PCLO: variants seen among roughly 807,000 people sequenced by gnomAD.
PCLO encodes the protein piccolo presynaptic cytomatrix protein.
In PCLO, 82 loss-of-function variants were observed where a neutral mutation model predicts 427.5. The observed-to-expected ratio is 0.19, with a 90% CI of 0.16 to 0.23. PCLO has a LOEUF of 0.23. PCLO is among the 10% of genes least tolerant of loss of function. PCLO has a pLI of 1.00. For synonymous variants in PCLO, 2,357 were observed against 2,155.4 expected (o/e 1.09, Z -2.59); for missense variants, 6,239 against 6,115.9 (o/e 1.02, Z -0.67).
At chr7:82,929,843 G>T (rs940981751) in intron 6 of PCLO, among the ~76,000 whole-genome samples, 3 of 151,998 alleles carry the variant, frequency 2.0e-5, no homozygotes, top group Non-Finnish European at 2.9e-5. Flanking sequence ...AGCTATTTAG[G>T]ATTAGTGAAT....
intron 3 of PCLO, among the ~76,000 whole-genome samples, chr7:83,040,287 T>C (rs1788940509): frequency 6.6e-6 from 1 of 152,258 alleles, no homozygotes. Flanking sequence ...CTGTCCACAA[T>C]GTGAAACCTC....
chr7:82,875,105 T>C (rs1793338129), intron 10 of PCLO, among the ~76,000 whole-genome samples: 1 of 152,172 alleles, frequency 6.6e-6, no homozygotes, highest in Non-Finnish European at 1.5e-5. Context: ...GTATTTGTGG[T>C]AGGAATGTTT....
At chr7:82,904,382 CCT>C (rs1794131527) in intron 8 of PCLO, among the ~76,000 whole-genome samples, 2 of 151,710 alleles carry the variant, frequency 1.3e-5, no homozygotes, top group South Asian at 2.1e-4. Flanking sequence ...TTCTTCTTCC[CCT>C]CTTTTCTTTT....
At chr7:83,025,710 T>C (rs1049577042) in intron 3 of PCLO, among the ~76,000 whole-genome samples, 5 of 152,028 alleles carry the variant, frequency 3.3e-5, no homozygotes, top group African/African-American at 9.6e-5. Context: ...GAGAGAAAGG[T>C]TGGGTTACCC....
At chr7:82,784,580 A>G (rs1790943230) in intron 22 of PCLO, among the ~76,000 whole-genome samples, 1 of 151,948 alleles carries the variant, frequency 6.6e-6, no homozygotes, top group Admixed American at 6.6e-5. Flanking sequence ...TTTAGTTTAT[A>G]TTTTTCCCTT....
chr7:82,962,162 C>T (rs60667728), intron 4 of PCLO, among the ~76,000 whole-genome samples: 3,402 of 152,210 alleles, frequency 0.022, 135 homozygotes, highest in African/African-American at 0.078. Context: ...AAATATAGAA[C>T]GTGCTTTGAA....
At chr7:83,034,743 A>C (rs2116166113) in intron 3 of PCLO, among the ~76,000 whole-genome samples, 1 of 152,274 alleles carries the variant, frequency 6.6e-6, no homozygotes. Context: ...ATCTGGCAGT[A>C]TCTACACTTT....
chr7:83,115,755 T>A (rs1409176822), intron 3 of PCLO, among the ~76,000 whole-genome samples: 4 of 152,102 alleles, frequency 2.6e-5, no homozygotes, highest in African/African-American at 9.6e-5. Context: ...CAAATACTAC[T>A]GCTTCTTATA....
chr7:82,957,416 C>CA (rs201922517), intron 4 of PCLO, among the ~76,000 whole-genome samples: 45 of 150,010 alleles, frequency 3.0e-4, no homozygotes, highest in East Asian at 7.8e-4. Flanking sequence ...ATTTACTAAA[C>CA]AAAAAAAAAG....
intron 8 of PCLO, 89 bp downstream of exon 8, chr7:82,908,788 C>T: frequency 9.0e-7 from 1 of 1,112,118 alleles, no homozygotes; most frequent in Non-Finnish European, 1.3e-6. Context: ...ACAAACATCT[C>T]ATTCCTTTTA....
At chr7:82,843,614 G>A (rs557477194) in intron 13 of PCLO, among the ~76,000 whole-genome samples, 126 of 151,790 alleles carry the variant, frequency 8.3e-4, no homozygotes, top group Admixed American at 1.2e-3. Context: ...AAAAAAATAA[G>A]TGAGGTAATC....
In PCLO at chr7:82,962,604, T is replaced by C. The variant is rs574663800; in HGVS notation, c.4017+3167A>G. On this transcript the variant is annotated intron_variant, in intron 4 of 24. Coordinates refer to ENST00000333891, the MANE Select transcript of PCLO (RefSeq NM_033026.6). ...AATAAAATAGTTTAAGAATTACTAT[T>C]GTGAACCCTCAAGGAAAAATGTACC... 2.0e-3 allele frequency among the ~76,000 whole-genome samples: 308 copies of C among 152,152 alleles called. 1 individual carries two copies. The highest frequency in any genetic ancestry group is 3.7e-3 in the Non-Finnish European group (250 of 67,906).
chr7:83,094,291 C>A (rs1301297028), intron 3 of PCLO, among the ~76,000 whole-genome samples: 1 of 149,398 alleles, frequency 6.7e-6, no homozygotes, highest in Admixed American at 6.7e-5. Flanking sequence ...TCACTGCAAC[C>A]TTCACCTCCT....
rs770208151 is a variant in PCLO at position 82,915,655 on chromosome 7, C to T, written c.12331G>A (p.Glu4111Lys). 17 of 1,613,246 alleles carry T rather than the reference C, an allele frequency of 1.1e-5. No homozygotes were observed. The highest frequency in any genetic ancestry group is 1.3e-5 in the African/African-American group (1 of 74,882). ...TAAGGATCCTCCATTGGGTCTTCCT[C>T]CGCCTTCACATAACTATGCAATCTA... ...SSRLHSYVKA[E>K]EDPMEDPYEL... Residue 4111 changes from glutamate (E) to lysine (K), a missense_variant, in exon 7 of 25, where the codon GAG becomes AAG. Coordinates refer to ENST00000333891, the MANE Select transcript of PCLO (RefSeq NM_033026.6).
chr7:83,126,691 CATAAT>C (rs1791447801), intron 3 of PCLO, among the ~76,000 whole-genome samples: 2 of 151,814 alleles, frequency 1.3e-5, no homozygotes, highest in Non-Finnish European at 2.9e-5. Flanking sequence ...TTATCTAAAA[CATAAT>C]ATACAGACAC....
chr7:82,794,487 T>TTTTTTTTTTTTTTTTTTTA (rs1791183585), intron 22 of PCLO, among the ~76,000 whole-genome samples: 1 of 120,528 alleles, frequency 8.3e-6, no homozygotes, highest in Non-Finnish European at 1.6e-5. Context: ...TTTTTTTTTT[T>TTTTTTTTTTTTTTTTTTTA]TTGAGACACA....
chr7:82,879,909 G>C, intron 9 of PCLO: 1 of 423,892 alleles, frequency 2.4e-6, no homozygotes, highest in South Asian at 1.7e-5. Context: ...GTGAAAACAT[G>C]ATCATAATTT....
intron 3 of PCLO, among the ~76,000 whole-genome samples, chr7:83,092,641 C>T (rs928358403): frequency 6.6e-6 from 1 of 151,978 alleles, no homozygotes; most frequent in Admixed American, 6.6e-5. Flanking sequence ...AGGACAAATC[C>T]TAAATGTAAT....
At chr7:82,831,124 T>G (rs2115710727) in intron 16 of PCLO, among the ~76,000 whole-genome samples, 1 of 152,234 alleles carries the variant, frequency 6.6e-6, no homozygotes, top group Non-Finnish European at 1.5e-5. Context: ...TTTCATGTGT[T>G]AACTCATGTA....
Sources: allele counts gnomAD v4.1 joint callset (sites outside exome capture counted in the v4.1 genomes callset), GRCh38; gene constraint gnomAD v4.1.1; transcripts MANE v1.5; gene names NCBI Gene and HGNC (gene_info 2026-07-23, HGNC 2026-07-21).